Variants in C1orf21 observed in about 807,000 individuals in gnomAD.
The protein encoded by C1orf21 is chromosome 1 open reading frame 21, also known as uncharacterized protein C1orf21.
C1orf21 carries 3 observed loss-of-function variants against 18.7 expected under a neutral mutation model. The observed-to-expected ratio is 0.16, with a 90% CI of 0.07 to 0.42. The LOEUF is 0.42. Ranked by LOEUF, C1orf21 falls within the 10% of genes least tolerant of loss-of-function variation. The probability of loss-of-function intolerance (pLI) is 0.99; values close to 1 mark genes in which losing one functional copy is unlikely to be tolerated. For synonymous variants in C1orf21, 41 were observed against 46.4 expected (o/e 0.88, Z 0.47); for missense variants, 104 against 143.6 (o/e 0.72, Z 1.41).
chr1:184,389,012 A>C (rs1366259585), intron 1 of C1orf21, among the ~76,000 whole-genome samples: 1 of 152,158 alleles, frequency 6.6e-6, no homozygotes, highest in Non-Finnish European at 1.5e-5. Context: ...TGGATCACCT[A>C]TTTTTGTTTT....
intron 1 of C1orf21, among the ~76,000 whole-genome samples, chr1:184,389,016 T>C (rs1655930814): frequency 6.6e-6 from 1 of 152,180 alleles, no homozygotes; most frequent in Admixed American, 6.5e-5. Context: ...TCACCTATTT[T>C]TGTTTTGCTA....
At position 184,471,683 on chromosome 1, in the gene C1orf21, T is replaced by G. The variant is rs1997946; in HGVS notation, c.-124-5703T>G. 1.1e-3 allele frequency among the ~76,000 whole-genome samples: 172 copies of G among 152,262 alleles called. 1 individual carries two copies. The East Asian group carries it at 0.032, about 28-fold the overall frequency. The stretch of plus-strand genomic sequence containing the variant: ...TTACTGCCTGAATCTAGCAGAAATG[T>G]GTCCTATTGCATAAACACTTATTGT... On this transcript the variant is annotated intron_variant, in intron 1 of 5. Coordinates refer to ENST00000235307, the MANE Select transcript of C1orf21 (RefSeq NM_030806.4).
rs143595418 is a variant in C1orf21 at position 184,468,706 on chromosome 1, G to C, written c.-124-8680G>C. ...GGCTGAGGCAGGCAGATCACCTGAG[G>C]TCAGGAGTTCAAGACTAGCCTGGCC... On this transcript the variant is annotated intron_variant, in intron 1 of 5. Coordinates refer to ENST00000235307, the MANE Select transcript of C1orf21 (RefSeq NM_030806.4). Among the ~76,000 whole-genome samples, 1,071 of 152,102 alleles carry C rather than the reference G, an allele frequency of 7.0e-3. 6 individuals carry two copies. Among genetic ancestry groups the C allele is most frequent in the Middle Eastern group, 0.02 (6 of 294 alleles).
chr1:184,509,946 A>G (rs1658120132), intron 3 of C1orf21, among the ~76,000 whole-genome samples: 1 of 152,138 alleles, frequency 6.6e-6, no homozygotes, highest in Admixed American at 6.6e-5. Flanking sequence ...CCTCCCACCC[A>G]TCACGTGAGG....
intron 1 of C1orf21, among the ~76,000 whole-genome samples, chr1:184,413,041 T>A (rs2101963101): frequency 6.6e-6 from 1 of 152,274 alleles, no homozygotes; most frequent in Non-Finnish European, 1.5e-5. Flanking sequence ...GTTTTACACA[T>A]CTGGAGGAAT....
Position 184,601,907 on chromosome 1 carries a change from A to T in C1orf21, c.327+3446A>T, listed in dbSNP as rs180722547. Among the ~76,000 whole-genome samples, 843 of 152,252 alleles carry T rather than the reference A, an allele frequency of 5.5e-3. 2 individuals are homozygous for T. Among genetic ancestry groups the T allele is most frequent in the Non-Finnish European group, 9.1e-3 (620 of 68,014 alleles). ...CACAGCAAGACTCCATCTCAAAAAA[A>T]AAAATAATAAAATAAAATAAGATTC... On this transcript the variant is annotated intron_variant, in intron 5 of 5. Transcript: ENST00000235307.
chr1:184,591,663 G>A (rs1460542760), intron 4 of C1orf21, among the ~76,000 whole-genome samples: 5 of 152,124 alleles, frequency 3.3e-5, no homozygotes, highest in South Asian at 2.1e-4. Context: ...AAACTTAGCC[G>A]GGCATGGTGG....
chr1:184,548,477 C>T (rs183466936), intron 3 of C1orf21, among the ~76,000 whole-genome samples: 3 of 144,190 alleles, frequency 2.1e-5, no homozygotes, highest in Non-Finnish European at 4.5e-5. Flanking sequence ...TGCAGCGGCG[C>T]GATCTCCACT....
intron 3 of C1orf21, among the ~76,000 whole-genome samples, chr1:184,576,189 A>G (rs751982641): frequency 6.6e-6 from 1 of 151,854 alleles, no homozygotes; most frequent in Non-Finnish European, 1.5e-5. Flanking sequence ...CAGTAGTACA[A>G]TCTCGGCTCA....
intron 3 of C1orf21, among the ~76,000 whole-genome samples, chr1:184,539,693 G>A (rs1658617175): frequency 1.3e-5 from 2 of 152,160 alleles, no homozygotes; most frequent in South Asian, 4.1e-4. Flanking sequence ...ATATGGTATG[G>A]TAGTCACTTG....
At chr1:184,526,630 A>G (rs1428763566) in intron 3 of C1orf21, among the ~76,000 whole-genome samples, 1 of 152,196 alleles carries the variant, frequency 6.6e-6, no homozygotes, top group Non-Finnish European at 1.5e-5. Flanking sequence ...TATATCTAAT[A>G]ATTTTGCAAA....
chr1:184,406,843 G>A (rs1656256514), intron 1 of C1orf21, among the ~76,000 whole-genome samples: 1 of 152,100 alleles, frequency 6.6e-6, no homozygotes, highest in Non-Finnish European at 1.5e-5. Context: ...CACCCAGGCT[G>A]GAGTATAGTG....
intron 1 of C1orf21, among the ~76,000 whole-genome samples, chr1:184,423,418 C>G (rs1392033528): frequency 6.6e-6 from 1 of 152,098 alleles, no homozygotes; most frequent in Non-Finnish European, 1.5e-5. Context: ...TAAGGCAGAG[C>G]AGGAATGAAG....
chr1:184,574,918 C>T (rs1273912908), intron 3 of C1orf21, among the ~76,000 whole-genome samples: 3 of 152,258 alleles, frequency 2.0e-5, no homozygotes, highest in African/African-American at 4.8e-5. Flanking sequence ...GAGCTCAGCT[C>T]GGGTGTCTTA....
chr1:184,592,249 A>G (rs748481610), intron 4 of C1orf21: 3 of 152,190 alleles, frequency 2.0e-5, no homozygotes, highest in South Asian at 2.1e-4. Context: ...GAAAGTTAAA[A>G]AGAAAAGAAA....
chr1:184,572,950 CAAA>C (rs35275397), intron 3 of C1orf21, among the ~76,000 whole-genome samples: 5 of 131,858 alleles, frequency 3.8e-5, no homozygotes, highest in Admixed American at 1.5e-4. Flanking sequence ...GACTCCTTCT[CAAA>C]AAAAAAAAAA....
At chr1:184,430,852 A>G (rs562647962) in intron 1 of C1orf21, among the ~76,000 whole-genome samples, 2 of 152,328 alleles carry the variant, frequency 1.3e-5, no homozygotes, top group African/African-American at 4.8e-5. Context: ...TGGGGATAGC[A>G]TTGAATCTAT....
intron 1 of C1orf21, among the ~76,000 whole-genome samples, chr1:184,445,373 TC>T (rs1657013639): frequency 2.0e-5 from 3 of 151,218 alleles, no homozygotes; most frequent in Non-Finnish European, 1.5e-5. Flanking sequence ...TCTCTCTCTC[TC>T]GCAAGGAGCT....
intron 1 of C1orf21, among the ~76,000 whole-genome samples, chr1:184,418,088 C>A (rs1322850590): frequency 2.6e-5 from 4 of 152,196 alleles, no homozygotes; most frequent in African/African-American, 9.6e-5. Flanking sequence ...TTCCCCTTTC[C>A]TGAAGAGAAG....
Sources: allele counts gnomAD v4.1 joint callset (sites outside exome capture counted in the v4.1 genomes callset), GRCh38; gene constraint gnomAD v4.1.1; transcripts MANE v1.5; gene names NCBI Gene and HGNC (gene_info 2026-07-23, HGNC 2026-07-21).